Variants in KDM4C observed in about 807,000 individuals in gnomAD.
KDM4C encodes the protein lysine demethylase 4C.
A neutral mutation model predicts 129.3 loss-of-function variants in KDM4C; 81 were observed. That is an observed-to-expected ratio of 0.63 (90% CI 0.52 to 0.75). The LOEUF is 0.75. Among genes scored for constraint, KDM4C ranks in the 30% least tolerant of loss-of-function variants. KDM4C has a pLI of 0.00. For synonymous variants in KDM4C, 573 were observed against 456.1 expected, an observed-to-expected ratio of 1.26 and a Z score of -3.26; for missense variants, 1,457 against 1,304.0, an observed-to-expected ratio of 1.12 and a Z score of -1.81.
upstream of KDM4C, among the ~76,000 whole-genome samples, chr9:6,756,438 C>CG (rs1365831195): frequency 6.6e-6 from 1 of 152,168 alleles, no homozygotes; most frequent in Non-Finnish European, 1.5e-5. Flanking sequence ...TGTGTGTGGC[C>CG]GGGTGAAGTG....
At position 7,127,834 on chromosome 9, in the gene KDM4C, A is replaced by G. The variant is rs1014762874; in HGVS notation, c.2611-232A>G. 7.7e-6 allele frequency: 3 copies of G among 391,112 alleles called. 1 individual carries two copies. Among genetic ancestry groups the G allele is most frequent in the African/African-American group, 2.1e-5 (1 of 47,588 alleles). The allele number at this position is 391,112 out of a possible 1,614,324, so 24.2% of individuals were successfully genotyped here. The stretch of plus-strand genomic sequence containing the variant: ...GTATATGCATACACACACAAAACCA[A>G]TGGATGAACCTGGGTAAAGAGTGTT... On this transcript the variant is annotated intron_variant, in intron 18 of 21. Transcript: ENST00000381309.
rs538333062 is a variant in KDM4C, at chr9:7,023,179, T to C, written c.2259+7250T>C. Among the ~76,000 whole-genome samples, 21 of 152,338 alleles carry C rather than the reference T, an allele frequency of 1.4e-4. No individual in the cohort carries two copies. In the East Asian group the frequency reaches 3.7e-3, roughly 27 times the overall value. On this transcript the variant is annotated intron_variant, in intron 15 of 21. Coordinates refer to ENST00000381309, the MANE Select transcript of KDM4C (RefSeq NM_015061.6). Reference sequence around the variant, plus strand: ...ACGGAGTGAGCTTGGAAGTGTTCCCTCATCCTCTACTTTTTGGAAGAGTTT... The same window carrying C: ...ACGGAGTGAGCTTGGAAGTGTTCCCCCATCCTCTACTTTTTGGAAGAGTTT...
chr9:7,016,070 C>G, intron 15 of KDM4C, 141 bp downstream of exon 15: 2 of 505,602 alleles, frequency 4.0e-6, no homozygotes, highest in Non-Finnish European at 7.2e-6. Context: ...AGTCTTCCCT[C>G]TCAAAAGCAT....
intron 20 of KDM4C, 118 bp downstream of exon 20, chr9:7,165,475 T>A: frequency 1.7e-6 from 2 of 1,158,952 alleles, no homozygotes; most frequent in South Asian, 3.0e-5. Flanking sequence ...CCTCTTATTT[T>A]ATGCAGGAGG....
chr9:7,033,910 G>A (rs1827199381), intron 15 of KDM4C, among the ~76,000 whole-genome samples: 1 of 152,110 alleles, frequency 6.6e-6, no homozygotes, highest in African/African-American at 2.4e-5. Context: ...TTTGCAATGA[G>A]GAGAGAGATC....
Position 6,834,942 on chromosome 9 carries a change from T to C in KDM4C, c.436-14565T>C, listed in dbSNP as rs115766281. The C allele has an allele frequency of 2.6e-3, 2,851 of 1,097,854 alleles. 47 individuals carry two copies. In the African/African-American group the frequency reaches 0.037, roughly 14 times the overall value. The allele number at this position is 1,097,854 out of a possible 1,614,324, so 68.0% of individuals were successfully genotyped here. ...TCCGGTGACGGGGTCACCCACAGTG[T>C]GCCCATCTGCGAGGGATATGCCCTC... On this transcript the variant is annotated intron_variant, in intron 4 of 21. Transcript: ENST00000381309.
intron 8 of KDM4C, among the ~76,000 whole-genome samples, chr9:6,919,551 C>G (rs1457984786): frequency 8.6e-6 from 1 of 116,548 alleles, no homozygotes; most frequent in East Asian, 2.6e-4. Context: ...GTCTGTCTAT[C>G]TATCTATCTA....
At position 6,931,413 on chromosome 9, in the gene KDM4C, G is replaced by C. The variant is rs1057207022; in HGVS notation, c.921+38181G>C. The stretch of plus-strand genomic sequence containing the variant: ...AACAAGGACATTTTATGTACTTAAA[G>C]AATGGCCATCAACTAAACACGCATG... On this transcript the variant is annotated intron_variant, in intron 8 of 21. Transcript: ENST00000381309. 7.9e-5 allele frequency among the ~76,000 whole-genome samples: 12 copies of C among 152,010 alleles called. 1 individual carries two copies. The highest frequency in any genetic ancestry group is 1.8e-4 in the Non-Finnish European group (12 of 68,000).
chr9:7,005,940 T>C (rs1335589993), intron 12 of KDM4C, among the ~76,000 whole-genome samples: 1 of 152,234 alleles, frequency 6.6e-6, no homozygotes, highest in Non-Finnish European at 1.5e-5. Flanking sequence ...CTTAGAATAA[T>C]TTGGTGTCAC....
intron 17 of KDM4C, among the ~76,000 whole-genome samples, chr9:7,088,697 G>T (rs1018944709): frequency 1.3e-5 from 2 of 152,078 alleles, no homozygotes; most frequent in African/African-American, 4.8e-5. Context: ...GAGATTTGTC[G>T]CCATTTCCTG....
chr9:6,880,029 A>G lies in KDM4C; in HGVS notation c.647A>G (p.Glu216Gly). ...EPKSWYAIPPEHGKRLERLAQ... is the reference protein window; with the variant it reads ...EPKSWYAIPPGHGKRLERLAQ... ...AATTTTAGGTATGCTATACCTCCGG[A>G]GCATGGAAAACGACTTGAAAGACTA... Residue 216 changes from glutamate to glycine, a missense_variant, in exon 6 of 22, where the codon GAG (glutamate) becomes GGG (glycine). Transcript: ENST00000381309. 1 of 1,599,438 alleles carries G rather than the reference A, an allele frequency of 6.3e-7. No individual in the cohort carries two copies. The highest frequency in any genetic ancestry group is 8.5e-7 in the Non-Finnish European group (1 of 1,170,896).
intron 17 of KDM4C, among the ~76,000 whole-genome samples, chr9:7,060,854 T>G (rs10976014): frequency 6.6e-6 from 1 of 152,076 alleles, no homozygotes; most frequent in Admixed American, 6.5e-5. Context: ...TTAGATTGTT[T>G]AGAGATGGTT....
chr9:6,833,258 CAG>C (rs1339996505), intron 4 of KDM4C, among the ~76,000 whole-genome samples: 13 of 151,876 alleles, frequency 8.6e-5, no homozygotes, highest in South Asian at 2.1e-4. Context: ...TTTTAAAAAA[CAG>C]AATGCATATC....
At chr9:6,948,925 C>T (rs1827513159) in intron 8 of KDM4C, among the ~76,000 whole-genome samples, 1 of 152,158 alleles carries the variant, frequency 6.6e-6, no homozygotes, top group African/African-American at 2.4e-5. Flanking sequence ...TCTATCTTTT[C>T]CCCACATTTC....
intron 15 of KDM4C, among the ~76,000 whole-genome samples, chr9:7,035,657 TTTGTA>T (rs1827514059): frequency 6.6e-6 from 1 of 152,142 alleles, no homozygotes; most frequent in Non-Finnish European, 1.5e-5. Flanking sequence ...TAAGTTGATT[TTTGTA>T]TAGGGTGAGA....
chr9:6,891,711 A>C (rs1846139604), intron 7 of KDM4C, among the ~76,000 whole-genome samples: 1 of 152,232 alleles, frequency 6.6e-6, no homozygotes, highest in Admixed American at 6.5e-5. Flanking sequence ...TTTAAAAAAC[A>C]CTATATGTAT....
At chr9:6,913,854 C>A (rs748748149) in intron 8 of KDM4C, among the ~76,000 whole-genome samples, 1 of 152,104 alleles carries the variant, frequency 6.6e-6, no homozygotes, top group Non-Finnish European at 1.5e-5. Context: ...ATAGTTTATG[C>A]GGTTTTAATG....
chr9:7,091,778 C>A (rs1233518030), intron 17 of KDM4C, among the ~76,000 whole-genome samples: 3 of 152,126 alleles, frequency 2.0e-5, no homozygotes, highest in Non-Finnish European at 2.9e-5. Context: ...GCACATCAGC[C>A]TGCGACTGGG....
intron 21 of KDM4C, among the ~76,000 whole-genome samples, chr9:7,173,998 C>T (rs933359126): frequency 6.6e-6 from 1 of 152,168 alleles, no homozygotes; most frequent in African/African-American, 2.4e-5. Context: ...AAGGGAACCC[C>T]TGAGACATCA....
Sources: gnomAD v4.1 joint callset for allele counts (sites outside exome capture counted in the v4.1 genomes callset) on GRCh38, gnomAD v4.1.1 for gene constraint, MANE v1.5 for transcripts, NCBI Gene and HGNC (gene_info 2026-07-23, HGNC 2026-07-21) for gene names.